The following SLC35F1 variants were observed in gnomAD, a reference collection of about 807,000 sequenced individuals.
SLC35F1 encodes chromosome 6 open reading frame 169.
A neutral mutation model predicts 48.7 loss-of-function variants in SLC35F1; 14 were observed. The ratio of observed to expected loss-of-function variants is 0.29; its 90% CI spans 0.19 to 0.45. The LOEUF (loss-of-function observed/expected upper bound fraction) is 0.45, where lower values mean the gene tolerates loss of function less well. SLC35F1 is among the 20% of genes least tolerant of loss of function. SLC35F1 has a pLI of 1.00. For synonymous variants in SLC35F1, 190 were observed against 202.2 expected (o/e 0.94, Z 0.51); for missense variants, 404 against 500.0 (o/e 0.81, Z 1.83).
chr6:117,977,664 T>C (rs1776722882), intron 1 of SLC35F1, among the ~76,000 whole-genome samples: 1 of 152,180 alleles, frequency 6.6e-6, no homozygotes, highest in Non-Finnish European at 1.5e-5. Flanking sequence ...CTCCATCTGC[T>C]ATATCTGGGG....
chr6:118,167,474 G>A (rs975712951), intron 2 of SLC35F1, among the ~76,000 whole-genome samples: 1 of 152,006 alleles, frequency 6.6e-6, no homozygotes, highest in Non-Finnish European at 1.5e-5. Context: ...GTACAAACTT[G>A]TACAGCATGT....
At chr6:118,112,147 T>TGA (rs1773416496) in intron 1 of SLC35F1, among the ~76,000 whole-genome samples, 1 of 145,834 alleles carries the variant, frequency 6.9e-6, no homozygotes, top group African/African-American at 2.5e-5. Flanking sequence ...TTTTCTTTTT[T>TGA]GAGACGGTGT....
chr6:118,210,560 A>G (rs1055263502), intron 2 of SLC35F1, among the ~76,000 whole-genome samples: 1 of 152,170 alleles, frequency 6.6e-6, no homozygotes, highest in Non-Finnish European at 1.5e-5. Context: ...CCAGATTTCT[A>G]CATCTCTGTA....
chr6:118,120,101 A>G (rs1773533115), intron 1 of SLC35F1, among the ~76,000 whole-genome samples: 1 of 152,210 alleles, frequency 6.6e-6, no homozygotes. Context: ...TGGAGTAGAT[A>G]GTGGGTACAA....
intron 1 of SLC35F1, among the ~76,000 whole-genome samples, chr6:118,049,555 G>C (rs2114908727): frequency 6.6e-6 from 1 of 151,594 alleles, no homozygotes; most frequent in East Asian, 1.9e-4. Flanking sequence ...GTGGGCAAAG[G>C]ATATGAACAG....
intron 1 of SLC35F1, among the ~76,000 whole-genome samples, chr6:118,072,511 C>T (rs1293785433): frequency 1.3e-5 from 2 of 151,924 alleles, no homozygotes; most frequent in African/African-American, 4.8e-5. Context: ...TTGCAGTGAG[C>T]AGAGATCGTG....
intron 1 of SLC35F1, among the ~76,000 whole-genome samples, chr6:118,131,276 C>G (rs543417236): frequency 1.0e-3 from 156 of 152,232 alleles, no homozygotes; most frequent in African/African-American, 3.4e-3. Context: ...TCATAAAATA[C>G]TATTATGCAG....
At chr6:117,926,080 T>C (rs1463845761) in intron 1 of SLC35F1, among the ~76,000 whole-genome samples, 1 of 152,106 alleles carries the variant, frequency 6.6e-6, no homozygotes, top group Non-Finnish European at 1.5e-5. Context: ...CATATGACAG[T>C]GATATGGTTT....
intron 3 of SLC35F1, among the ~76,000 whole-genome samples, chr6:118,261,300 T>C (rs1775708888): frequency 6.6e-6 from 1 of 152,216 alleles, no homozygotes; most frequent in Non-Finnish European, 1.5e-5. Flanking sequence ...TGCTGACTGA[T>C]GAAGGAATTC....
intron 4 of SLC35F1, among the ~76,000 whole-genome samples, chr6:118,268,937 C>T (rs1216361435): frequency 6.6e-6 from 1 of 152,126 alleles, no homozygotes; most frequent in African/African-American, 2.4e-5. Flanking sequence ...TACACTTTCT[C>T]AGCTTTCCGC....
Position 118,317,072 on chromosome 6 carries a change from T to TCTAA in SLC35F1, c.*2823_*2826dup, listed in dbSNP as rs1417753049. ...GTAGACACCAGCAAAATTTTCAGTT[T>TCTAA]CTAACTCCACCACCAATCTCTCCTC... On this transcript the variant is annotated 3_prime_UTR_variant, in exon 8 of 8. Transcript: ENST00000360388. 1 of 152,636 alleles carries TCTAA rather than the reference T, an allele frequency of 6.6e-6. No individual in the cohort carries two copies. Among genetic ancestry groups the TCTAA allele is most frequent in the Non-Finnish European group, 1.5e-5 (1 of 68,044 alleles). The allele number at this position is 152,636 out of a possible 1,614,324, so 9.5% of individuals were successfully genotyped here.
At chr6:117,976,278 ACTCAAAT>A (rs1348342239) in intron 1 of SLC35F1, among the ~76,000 whole-genome samples, 1 of 152,210 alleles carries the variant, frequency 6.6e-6, no homozygotes, top group African/African-American at 2.4e-5. Flanking sequence ...CAAGACATTT[ACTCAAAT>A]CTCTCACCTC....
At chr6:118,052,125 G>T (rs1934596674) in intron 1 of SLC35F1, among the ~76,000 whole-genome samples, 1 of 152,038 alleles carries the variant, frequency 6.6e-6, no homozygotes, top group African/African-American at 2.4e-5. Context: ...GTCCAGTAGA[G>T]AATGGCCTTT....
At chr6:118,307,572 T>C (rs1776325984) in intron 7 of SLC35F1, among the ~76,000 whole-genome samples, 1 of 152,228 alleles carries the variant, frequency 6.6e-6, no homozygotes, top group African/African-American at 2.4e-5. Flanking sequence ...TCTGGCAATT[T>C]ATTTCCAGTT....
At chr6:118,047,879 C>T (rs1772323164) in intron 1 of SLC35F1, among the ~76,000 whole-genome samples, 1 of 152,124 alleles carries the variant, frequency 6.6e-6, no homozygotes, top group Non-Finnish European at 1.5e-5. Context: ...TTATTTCCTT[C>T]TCCTGCCTAA....
intron 2 of SLC35F1, among the ~76,000 whole-genome samples, chr6:118,201,439 C>A (rs1774872437): frequency 6.6e-6 from 1 of 152,100 alleles, no homozygotes; most frequent in African/African-American, 2.4e-5. Context: ...TTATAGAAAC[C>A]ACAAACATTT....
chr6:118,018,760 C>T (rs571538489), intron 1 of SLC35F1, among the ~76,000 whole-genome samples: 15 of 152,258 alleles, frequency 9.9e-5, no homozygotes, highest in Admixed American at 3.3e-4. Context: ...GGATGTGTGG[C>T]TAATGGGACC....
intron 2 of SLC35F1, among the ~76,000 whole-genome samples, chr6:118,208,317 A>G (rs543224217): frequency 4.9e-4 from 74 of 152,294 alleles, no homozygotes; most frequent in Non-Finnish European, 6.0e-4. Context: ...TTCATCTGTG[A>G]CCCTGGGAAG....
intron 1 of SLC35F1, among the ~76,000 whole-genome samples, chr6:118,116,869 C>T (rs920809660): frequency 6.6e-6 from 1 of 152,094 alleles, no homozygotes; most frequent in Non-Finnish European, 1.5e-5. Context: ...TATTGAGTGA[C>T]GCCTTGGAGA....
Sources: gnomAD v4.1 joint callset for allele counts (sites outside exome capture counted in the v4.1 genomes callset) on GRCh38, gnomAD v4.1.1 for gene constraint, MANE v1.5 for transcripts, NCBI Gene and HGNC (gene_info 2026-07-23, HGNC 2026-07-21) for gene names.